Variants in ADARB2 observed in about 807,000 individuals in gnomAD.
ADARB2 encodes the protein adenosine deaminase RNA specific B2 (inactive).
Under a neutral mutation model 62.2 loss-of-function variants are expected in ADARB2, and 25 were observed. That is an observed-to-expected ratio of 0.40 (90% CI 0.29 to 0.56). The LOEUF (loss-of-function observed/expected upper bound fraction) is 0.56. ADARB2 is among the 20% of genes least tolerant of loss of function. The pLI is 0.43. For missense variants in ADARB2, 1,071 were observed against 1,077.4 expected, an observed-to-expected ratio of 0.99 and a Z score of 0.08; for synonymous variants, 572 against 500.8, an observed-to-expected ratio of 1.14 and a Z score of -1.90.
chr10:1,437,841 G>C (rs1413339280), intron 1 of ADARB2, among the ~76,000 whole-genome samples: 1 of 152,186 alleles, frequency 6.6e-6, no homozygotes, highest in African/African-American at 2.4e-5. Flanking sequence ...AGAGGATATG[G>C]GACGTGTAGG....
At chr10:1,534,381 A>G (rs1832295536) in intron 1 of ADARB2, among the ~76,000 whole-genome samples, 1 of 152,114 alleles carries the variant, frequency 6.6e-6, no homozygotes, top group South Asian at 2.1e-4. Flanking sequence ...CAGGTGATCC[A>G]CCCAACTTAG....
At chr10:1,258,068 T>C (rs1486822757) in intron 4 of ADARB2, among the ~76,000 whole-genome samples, 2 of 152,168 alleles carry the variant, frequency 1.3e-5, no homozygotes, top group Non-Finnish European at 2.9e-5. Context: ...TAATGCACAG[T>C]CATTTCCTGA....
chr10:1,183,508 TGAC>T, intron 9 of ADARB2, 139 bp from the exon 10 acceptor site: 1 of 1,062,890 alleles, frequency 9.4e-7, no homozygotes, highest in Non-Finnish European at 1.3e-6. Context: ...AGAGCAACTG[TGAC>T]CAGGTCCTCT....
intron 3 of ADARB2, among the ~76,000 whole-genome samples, chr10:1,356,227 G>A (rs1289746861): frequency 6.6e-6 from 1 of 152,188 alleles, no homozygotes; most frequent in East Asian, 1.9e-4. Flanking sequence ...TTCCTGCATG[G>A]ACCACAGGAT....
rs1369088145 is a variant in ADARB2, at chr10:1,363,059, G to C, written c.1046C>G (p.Pro349Arg). ...CATTGGCGTCCTCCTGGCCCTGCCG[G>C]GCGCGTGGCCGGGCATCTGGATGTC... ...LFDIQMPGHAPGRARRTPMPQ... is the reference protein window; with the variant it reads ...LFDIQMPGHARGRARRTPMPQ... The change falls in exon 3 of 10, where the codon CCC becomes CGC. Residue 349 changes from proline (P) to arginine (R), a missense_variant. Pro to Arg is a moderately radical substitution (Grantham distance 103). Transcript: ENST00000381312. The C allele has an allele frequency of 6.9e-7, 1 of 1,443,826 alleles. No individual in the cohort carries two copies. 89.4% of individuals were successfully genotyped at this position (1,443,826 alleles called of 1,614,324 possible).
intron 3 of ADARB2, among the ~76,000 whole-genome samples, chr10:1,289,713 G>A (rs540442767): frequency 2.6e-5 from 4 of 152,234 alleles, no homozygotes; most frequent in Non-Finnish European, 4.4e-5. Flanking sequence ...CTCATACCAC[G>A]CATTGCTGCT....
chr10:1,656,081 T>C (rs1480879255), intron 1 of ADARB2, among the ~76,000 whole-genome samples: 25 of 152,262 alleles, frequency 1.6e-4, no homozygotes, highest in Admixed American at 1.4e-3. Flanking sequence ...GTAAAGTCTT[T>C]ATAAAATTGT....
chr10:1,473,973 T>C (rs61831884), intron 1 of ADARB2, among the ~76,000 whole-genome samples: 184 of 4,914 alleles, frequency 0.037, 3 homozygotes, highest in South Asian at 0.12. Flanking sequence ...GCAGGAGATG[T>C]GCCTTTCCTT....
chr10:1,532,731 G>T (rs1457309739), intron 1 of ADARB2, among the ~76,000 whole-genome samples: 1 of 152,206 alleles, frequency 6.6e-6, no homozygotes, highest in Non-Finnish European at 1.5e-5. Context: ...GTGACCGCTG[G>T]CTATGGCGCC....
intron 1 of ADARB2, among the ~76,000 whole-genome samples, chr10:1,725,101 G>A (rs1456699317): frequency 6.6e-6 from 1 of 152,210 alleles, no homozygotes; most frequent in African/African-American, 2.4e-5. Context: ...CATGGACCCT[G>A]CAGAGAAGGA....
At chr10:1,514,573 C>A (rs564314996) in intron 1 of ADARB2, among the ~76,000 whole-genome samples, 121 of 152,174 alleles carry the variant, frequency 8.0e-4, no homozygotes, top group African/African-American at 2.9e-3. Flanking sequence ...GTGTCCAGAT[C>A]TGGGATGTCC....
chr10:1,429,892 C>T (rs139065364), intron 1 of ADARB2, among the ~76,000 whole-genome samples: 119 of 152,268 alleles, frequency 7.8e-4, no homozygotes, highest in African/African-American at 2.7e-3. Context: ...CTCCTCCCCT[C>T]ATCTCCTTTC....
intron 1 of ADARB2, among the ~76,000 whole-genome samples, chr10:1,642,100 G>A (rs1046462012): frequency 1.3e-5 from 2 of 151,902 alleles, no homozygotes; most frequent in African/African-American, 4.8e-5. Context: ...TTATTTTTTA[G>A]ACCAAAAAGT....
At chr10:1,460,519 C>A (rs12784863) in intron 1 of ADARB2, among the ~76,000 whole-genome samples, 5 of 38,912 alleles carry the variant, frequency 1.3e-4, no homozygotes, top group African/African-American at 6.4e-4. Flanking sequence ...AGTTTACCTG[C>A]GTAACGAACC....
At chr10:1,711,068 G>A (rs568894502) in intron 1 of ADARB2, among the ~76,000 whole-genome samples, 1 of 152,160 alleles carries the variant, frequency 6.6e-6, no homozygotes, top group East Asian at 1.9e-4. Flanking sequence ...GGCCCACCCC[G>A]AGCTTGCCAG....
At chr10:1,347,519 A>T (rs74119538) in intron 3 of ADARB2, among the ~76,000 whole-genome samples, 219 of 152,298 alleles carry the variant, frequency 1.4e-3, no homozygotes, top group African/African-American at 5.1e-3. Flanking sequence ...GACTAAGCTC[A>T]CCACCTTCTC....
At chr10:1,572,981 G>C (rs1262441423) in intron 1 of ADARB2, among the ~76,000 whole-genome samples, 1 of 152,240 alleles carries the variant, frequency 6.6e-6, no homozygotes, top group Non-Finnish European at 1.5e-5. Flanking sequence ...GCCCCCGAGT[G>C]CTCATTTACA....
At chr10:1,427,667 A>T (rs1248162456) in intron 1 of ADARB2, among the ~76,000 whole-genome samples, 1 of 152,250 alleles carries the variant, frequency 6.6e-6, no homozygotes, top group Non-Finnish European at 1.5e-5. Context: ...ACAGTTTGGC[A>T]GTTTCTTATA....
At chr10:1,220,390 G>T (rs1830683650) in intron 6 of ADARB2, among the ~76,000 whole-genome samples, 3 of 151,910 alleles carry the variant, frequency 2.0e-5, no homozygotes, top group African/African-American at 7.3e-5. Context: ...TGGTGGTGAT[G>T]ATGGTGATTG....
Sources: allele counts gnomAD v4.1 joint callset (sites outside exome capture counted in the v4.1 genomes callset), GRCh38; gene constraint gnomAD v4.1.1; transcripts MANE v1.5; gene names NCBI Gene and HGNC (gene_info 2026-07-23, HGNC 2026-07-21).